Variants in RNF130 observed in about 807,000 individuals in gnomAD.
The protein encoded by RNF130 is E3 ubiquitin-protein ligase RNF130.
In RNF130, 21 loss-of-function variants were observed where a neutral mutation model predicts 44.6. That is an observed-to-expected ratio of 0.47 (90% confidence interval 0.33 to 0.68). RNF130 has a LOEUF of 0.68. Ranked by LOEUF, RNF130 falls within the 30% of genes least tolerant of loss-of-function variation. The probability of loss-of-function intolerance (pLI) is 0.02; values close to 1 mark genes in which losing one functional copy is unlikely to be tolerated. For synonymous variants in RNF130, 214 were observed against 210.4 expected (o/e 1.02, Z -0.15); for missense variants, 479 against 560.6 (o/e 0.85, Z 1.47).
chr5:179,976,245 G>A (rs964951229), intron 5 of RNF130, among the ~76,000 whole-genome samples: 2 of 152,224 alleles, frequency 1.3e-5, no homozygotes, highest in Non-Finnish European at 2.9e-5. Context: ...ATGGGATTAA[G>A]TTCCCAGAAT....
At chr5:179,967,442 GGT>G (rs1762476958) in intron 6 of RNF130, among the ~76,000 whole-genome samples, 1 of 152,176 alleles carries the variant, frequency 6.6e-6, no homozygotes, top group South Asian at 2.1e-4. Context: ...CCATTTATCT[GGT>G]AGTCAGTTTT....
At chr5:180,012,556 A>G (rs2113084067) in intron 3 of RNF130, among the ~76,000 whole-genome samples, 1 of 152,290 alleles carries the variant, frequency 6.6e-6, no homozygotes, top group African/African-American at 2.4e-5. Flanking sequence ...ATAGACAGAC[A>G]TCTTCTATTG....
intron 5 of RNF130, among the ~76,000 whole-genome samples, chr5:179,973,412 C>A (rs992814444): frequency 6.6e-6 from 1 of 152,190 alleles, no homozygotes; most frequent in East Asian, 1.9e-4. Flanking sequence ...GCCTTTTCTT[C>A]CCTTCTAGGC....
At position 180,071,750 on chromosome 5, in the gene RNF130, G is replaced by C; in HGVS notation, c.-48C>G. ...GCTCGCGGACCGGGCTCCGGGGCCGGCGCCTAGAGGCGGGGCGGGCGCGGC... is the reference window on the plus strand; with the variant it reads ...GCTCGCGGACCGGGCTCCGGGGCCGCCGCCTAGAGGCGGGGCGGGCGCGGC... On this transcript the variant is annotated 5_prime_UTR_variant, in exon 1 of 9. Transcript: ENST00000521389. The C allele has an allele frequency of 9.1e-7, 1 of 1,101,830 alleles. No individual in the cohort carries two copies. Among genetic ancestry groups the C allele is most frequent in the African/African-American group, 1.7e-5 (1 of 59,650 alleles). The allele number at this position is 1,101,830 out of a possible 1,614,324, so 68.3% of individuals were successfully genotyped here. A position where few individuals can be genotyped will look rare whatever the true frequency, so the allele number is the denominator to read the frequency against.
chr5:179,971,879 G>A (rs1323516086), intron 5 of RNF130, among the ~76,000 whole-genome samples: 2 of 152,132 alleles, frequency 1.3e-5, no homozygotes, highest in Admixed American at 6.5e-5. Flanking sequence ...ATACACACAC[G>A]TCTGCCTATC....
At position 179,955,403 on chromosome 5, in the gene RNF130, A is replaced by C. The variant is rs1386230616; in HGVS notation, c.*251T>G. The stretch of plus-strand genomic sequence containing the variant: ...CACATTCTGTCTCTGAAACACAAAC[A>C]AATGCAATCTGGGTCTGCGAGCTTC... On this transcript the variant is annotated 3_prime_UTR_variant, in exon 9 of 9. Coordinates refer to ENST00000521389, the MANE Select transcript of RNF130 (RefSeq NM_018434.6). 4 of 408,106 alleles carry C rather than the reference A, an allele frequency of 9.8e-6. No individual in the cohort carries two copies. The highest frequency in any genetic ancestry group is 1.8e-5 in the Non-Finnish European group (4 of 225,280). The allele number at this position is 408,106 out of a possible 1,614,324, so 25.3% of individuals were successfully genotyped here. A position where few individuals can be genotyped will look rare whatever the true frequency, so the allele number is the denominator to read the frequency against.
At chr5:179,986,215 A>C (rs530720430) in intron 3 of RNF130, among the ~76,000 whole-genome samples, 1 of 152,370 alleles carries the variant, frequency 6.6e-6, no homozygotes, top group South Asian at 2.1e-4. Flanking sequence ...GTGTAGCTAT[A>C]GCAATGGCTT....
At chr5:179,992,825 T>C (rs1459892364) in intron 3 of RNF130, among the ~76,000 whole-genome samples, 2 of 152,208 alleles carry the variant, frequency 1.3e-5, no homozygotes, top group East Asian at 1.9e-4. Context: ...GCTGCACCCA[T>C]TAACTCATCA....
intron 3 of RNF130, among the ~76,000 whole-genome samples, chr5:179,996,166 C>T (rs1168992137): frequency 6.6e-6 from 1 of 152,168 alleles, no homozygotes; most frequent in East Asian, 1.9e-4. Context: ...GCAGACGTTT[C>T]ACCTCTTTGA....
chr5:179,951,522 T>C (rs529596037), downstream of RNF130, among the ~76,000 whole-genome samples: 1 of 152,252 alleles, frequency 6.6e-6, no homozygotes, highest in Non-Finnish European at 1.5e-5. Flanking sequence ...TAGCTGGGAC[T>C]ACAGGCGCCC....
intron 3 of RNF130, among the ~76,000 whole-genome samples, chr5:179,997,282 C>T (rs549366550): frequency 2.2e-4 from 34 of 152,152 alleles, no homozygotes; most frequent in African/African-American, 7.5e-4. Flanking sequence ...GCTGGGATTA[C>T]AGGTGCACAC....
chr5:179,981,376 C>T (rs116211141), intron 3 of RNF130, among the ~76,000 whole-genome samples: 29 of 152,218 alleles, frequency 1.9e-4, no homozygotes, highest in African/African-American at 6.3e-4. Context: ...CGGAGCAAGG[C>T]GGGGACCAAA....
chr5:180,020,529 T>C (rs1344139320), intron 2 of RNF130, among the ~76,000 whole-genome samples: 5 of 152,214 alleles, frequency 3.3e-5, no homozygotes, highest in Non-Finnish European at 7.3e-5. Flanking sequence ...TGTAAGCCAC[T>C]GAGTGGTAGT....
At position 180,034,093 on chromosome 5, in the gene RNF130, C is replaced by T. The variant is rs12521479; in HGVS notation, c.442+6360G>A. Among the ~76,000 whole-genome samples the T allele has an allele frequency of 9.0e-3, 1,314 of 145,452 alleles. 25 individuals carry two copies. Among genetic ancestry groups the T allele is most frequent in the African/African-American group, 0.031 (1,228 of 39,442 alleles). On this transcript the variant is annotated intron_variant, in intron 2 of 8. Transcript: ENST00000521389. ...AGGATATTTCCTAATGTGTTAAATG[C>T]TTTTTTTTTTTTAAATCATGATGGG...
intron 3 of RNF130, among the ~76,000 whole-genome samples, chr5:179,988,068 G>C (rs1427961376): frequency 1.3e-5 from 2 of 152,184 alleles, no homozygotes; most frequent in African/African-American, 2.4e-5. Flanking sequence ...AAATTTGATA[G>C]GATTTGGCAG....
In RNF130 at chr5:180,042,844, G is replaced by GT. The variant is rs1194675915; in HGVS notation, c.248-2198dup. ...TGGTCTCGCATACATGCACAATGTA[G>GT]TAAAAAGCAAACAACATAGTTATGG... On this transcript the variant is annotated intron_variant, in intron 1 of 8. Transcript: ENST00000521389. Among the ~76,000 whole-genome samples the GT allele has an allele frequency of 5.9e-5, 9 of 152,294 alleles. No homozygotes were observed. The East Asian group carries it at 1.4e-3, about 23-fold the overall frequency.
chr5:180,057,804 G>A (rs548261167), intron 1 of RNF130, among the ~76,000 whole-genome samples: 4 of 152,262 alleles, frequency 2.6e-5, no homozygotes, highest in African/African-American at 9.6e-5. Context: ...AGTTCTATGA[G>A]CTGTTATATA....
intron 3 of RNF130, among the ~76,000 whole-genome samples, chr5:180,008,740 C>T (rs567161648): frequency 6.6e-5 from 10 of 152,072 alleles, no homozygotes; most frequent in African/African-American, 1.9e-4. Context: ...ACAAGTTAGC[C>T]GGACACGGTG....
chr5:180,040,205 A>C (rs1341092905), intron 2 of RNF130, among the ~76,000 whole-genome samples: 1 of 152,230 alleles, frequency 6.6e-6, no homozygotes, highest in Non-Finnish European at 1.5e-5. Flanking sequence ...GTAGAAATGC[A>C]AAACAACTAA....
Sources: gnomAD v4.1 joint callset for allele counts (sites outside exome capture counted in the v4.1 genomes callset) on GRCh38, gnomAD v4.1.1 for gene constraint, MANE v1.5 for transcripts, NCBI Gene and HGNC (gene_info 2026-07-23, HGNC 2026-07-21) for gene names.